USH2A: variants seen among roughly 807,000 people sequenced by gnomAD.
The protein encoded by USH2A is usherin, also known as Usher syndrome 2A (autosomal recessive, mild).
A neutral mutation model predicts 538.9 loss-of-function variants in USH2A; 443 were observed. That is an observed-to-expected ratio of 0.82 (90% CI 0.76 to 0.89). USH2A has a LOEUF of 0.89. Ranked by LOEUF, USH2A falls within the 40% of genes least tolerant of loss-of-function variation. The pLI is 0.00. For missense variants in USH2A, 6,633 were observed against 6,324.8 expected (o/e 1.05, Z -1.65); for synonymous variants, 2,413 against 2,273.5 (o/e 1.06, Z -1.75).
At chr1:215,687,984 A>G (rs1162419170) in intron 61 of USH2A, among the ~76,000 whole-genome samples, 2 of 152,248 alleles carry the variant, frequency 1.3e-5, no homozygotes, top group East Asian at 3.9e-4. Context: ...AGAGAGATCA[A>G]GACATAGAGA....
chr1:216,275,186 G>T (rs995562382), intron 11 of USH2A, among the ~76,000 whole-genome samples: 1 of 151,798 alleles, frequency 6.6e-6, no homozygotes, highest in African/African-American at 2.4e-5. Flanking sequence ...TCGCTCAGAG[G>T]ATATAAGCTA....
chr1:216,188,259 C>A (rs2034647355), intron 20 of USH2A, among the ~76,000 whole-genome samples: 2 of 151,840 alleles, frequency 1.3e-5, no homozygotes, highest in Non-Finnish European at 1.5e-5. Context: ...ATGCATAGGG[C>A]AGGCAGATTC....
chr1:216,190,503 T>G (rs898525139), intron 19 of USH2A, 136 bp from the exon 20 acceptor site: 40 of 1,231,160 alleles, frequency 3.2e-5, no homozygotes, highest in South Asian at 9.8e-5. Context: ...AAAGGGTTTT[T>G]TTTTTTTTTT....
Position 215,646,588 on chromosome 1 carries a change from G to A in USH2A, c.14791+934C>T, listed in dbSNP as rs187224097. ...GTTGCCCAGGCTGGAGTACAGTGGC[G>A]TGATCTCGGCTCACTACAACCTCTG... On this transcript the variant is annotated intron_variant, in intron 67 of 71. Coordinates refer to ENST00000307340, the MANE Select transcript of USH2A (RefSeq NM_206933.4). 5.4e-3 allele frequency among the ~76,000 whole-genome samples: 822 copies of A among 152,046 alleles called. 8 individuals carry two copies. Among genetic ancestry groups the A allele is most frequent in the African/African-American group, 0.019 (776 of 41,506 alleles).
At position 216,382,225 on chromosome 1, in the gene USH2A, G is replaced by A. The variant is rs753401786; in HGVS notation, c.652-17140C>T. On this transcript the variant is annotated intron_variant, in intron 3 of 71. Transcript: ENST00000307340. ...AAATAAAGCACATTGAGTAAATTGC[G>A]ATAATTTCATAGAAAGGATGAGTGC... Among the ~76,000 whole-genome samples the A allele has an allele frequency of 2.8e-4, 43 of 152,218 alleles. 1 individual carries two copies. The highest frequency in any genetic ancestry group is 3.4e-3 in the Middle Eastern group (1 of 294).
intron 3 of USH2A, among the ~76,000 whole-genome samples, chr1:216,394,990 T>A (rs556356349): frequency 6.6e-6 from 1 of 152,236 alleles, no homozygotes; most frequent in African/African-American, 2.4e-5. Context: ...AGTGCTGGGA[T>A]TACAGGCGTG....
At chr1:216,123,805 C>A (rs971844854) in intron 21 of USH2A, among the ~76,000 whole-genome samples, 2 of 152,080 alleles carry the variant, frequency 1.3e-5, no homozygotes, top group African/African-American at 4.8e-5. Flanking sequence ...CTTGGGTAGC[C>A]CACCTAAATA....
chr1:215,782,748 T>C lies in USH2A; in HGVS notation c.10575A>G (p.Ile3525Met), dbSNP rs1416678747. Residue 3525 changes from isoleucine to methionine, a missense_variant, in exon 53 of 72, where the codon ATA (isoleucine) becomes ATG (methionine). Ile to Met is a conservative substitution (Grantham distance 10). Transcript: ENST00000307340. ...DTIVLNWRKPIQSNGPIIYYI... is the reference protein window; with the variant it reads ...DTIVLNWRKPMQSNGPIIYYI... ...AAGGTATCTCAATACCATTTGATTGTATAGGTTTTCTCCAGTTTAAGACAA... is the reference window on the plus strand; with the variant it reads ...AAGGTATCTCAATACCATTTGATTGCATAGGTTTTCTCCAGTTTAAGACAA... 1.2e-6 allele frequency: 2 copies of C among 1,613,558 alleles called. No individual in the cohort carries two copies. The highest frequency in any genetic ancestry group is 1.7e-6 in the Non-Finnish European group (2 of 1,179,824).
intron 32 of USH2A, among the ~76,000 whole-genome samples, chr1:216,024,477 G>A (rs889065406): frequency 1.3e-5 from 2 of 152,040 alleles, no homozygotes; most frequent in Admixed American, 6.6e-5. Context: ...ATCTTTTAAT[G>A]TAGAAGCCAT....
Position 216,073,198 on chromosome 1 carries a change from A to G in USH2A, c.5675T>C (p.Leu1892Pro). ...GCAGTTAACAGCACTGTCAGTTGATAGGCATCCATCCAGATTGACTCTGAC... is the reference window on the plus strand; with the variant it reads ...GCAGTTAACAGCACTGTCAGTTGATGGGCATCCATCCAGATTGACTCTGAC... ...GAVRVNLDGC[L>P]STDSAVNCRG... Residue 1892 changes from leucine (L) to proline (P), a missense_variant, in exon 28 of 72, where the codon CTA becomes CCA. Physicochemically the swap from Leu to Pro is moderately conservative, Grantham distance 98. Transcript: ENST00000307340. 6.2e-7 allele frequency: 1 copy of G among 1,613,896 alleles called. No homozygotes were observed. The highest frequency in any genetic ancestry group is 8.5e-7 in the Non-Finnish European group (1 of 1,179,958).
At chr1:216,420,629 T>C (rs542190919) in intron 2 of USH2A, among the ~76,000 whole-genome samples, 13 of 152,172 alleles carry the variant, frequency 8.5e-5, no homozygotes, top group Non-Finnish European at 1.6e-4. Flanking sequence ...GGTACAGATA[T>C]GTCCCTACAA....
chr1:215,630,408 A>ATGTGTGTGTATATATATG, intron 70 of USH2A: 7 of 383,806 alleles, frequency 1.8e-5, no homozygotes, highest in South Asian at 1.4e-4. Context: ...ATATGTATAT[A>ATGTGTGTGTATATATATG]TGTGTGTGTA....
chr1:216,274,909 G>A (rs568242406), intron 11 of USH2A, among the ~76,000 whole-genome samples: 4 of 152,182 alleles, frequency 2.6e-5, no homozygotes, highest in South Asian at 2.1e-4. Flanking sequence ...TCTCTAAGGA[G>A]TGTGCAAAAA....
chr1:216,102,732 G>A (rs2032620386), intron 21 of USH2A, among the ~76,000 whole-genome samples: 1 of 152,142 alleles, frequency 6.6e-6, no homozygotes, highest in Non-Finnish European at 1.5e-5. Context: ...CCCGAAAGGC[G>A]GAGCTTGCAG....
At chr1:215,762,430 A>G (rs1447378417) in intron 56 of USH2A, among the ~76,000 whole-genome samples, 1 of 152,134 alleles carries the variant, frequency 6.6e-6, no homozygotes, top group Non-Finnish European at 1.5e-5. Context: ...ATGAAACATA[A>G]TTTTGGGTTT....
intron 21 of USH2A, among the ~76,000 whole-genome samples, chr1:216,112,605 C>G (rs536868821): frequency 1.3e-5 from 2 of 152,158 alleles, no homozygotes; most frequent in Non-Finnish European, 1.5e-5. Context: ...TGCTCCTCTC[C>G]CTTCTGCCTC....
intron 3 of USH2A, among the ~76,000 whole-genome samples, chr1:216,383,870 T>C (rs1431870054): frequency 4.0e-5 from 6 of 148,208 alleles, no homozygotes; most frequent in East Asian, 1.9e-4. Flanking sequence ...TTCTTTCTTT[T>C]TTTTTTTTTT....
Position 215,675,536 on chromosome 1 carries a change from GA to G in USH2A, c.12374del (p.Phe4125SerfsTer6), listed in dbSNP as rs1558049118. 9 of 1,614,022 alleles carry G rather than the reference GA, an allele frequency of 5.6e-6. No homozygotes were observed. The highest frequency in any genetic ancestry group is 7.6e-6 in the Non-Finnish European group (9 of 1,179,998). On this transcript the variant is annotated frameshift_variant, in exon 63 of 72. Coordinates refer to ENST00000307340, the MANE Select transcript of USH2A (RefSeq NM_206933.4). LOFTEE classifies it high-confidence loss of function. ...CCTCCAGGGTCAGTGTGTAGAGAGT[GA>G]AAGGATCCAGGCGGCGGAAGAGAAA... ...RQFLFRRLDP[F>X]TLYTLTLEAC...
intron 35 of USH2A, among the ~76,000 whole-genome samples, chr1:215,976,181 T>G (rs1434677464): frequency 6.6e-6 from 1 of 152,230 alleles, no homozygotes; most frequent in East Asian, 1.9e-4. Flanking sequence ...AAAACTTTAC[T>G]GATGTTGTTT....
Sources: allele counts gnomAD v4.1 joint callset (sites outside exome capture counted in the v4.1 genomes callset), GRCh38; gene constraint gnomAD v4.1.1; transcripts MANE v1.5; gene names NCBI Gene and HGNC (gene_info 2026-07-23, HGNC 2026-07-21).